PRKCE: variants seen among roughly 807,000 people sequenced by gnomAD.
PRKCE encodes the protein protein kinase C epsilon.
A neutral mutation model predicts 85.4 loss-of-function variants in PRKCE; 16 were observed. That is an observed-to-expected ratio of 0.19 (90% CI 0.13 to 0.28). PRKCE has a LOEUF of 0.28. PRKCE is among the 10% of genes least tolerant of loss of function. The pLI is 1.00. For missense variants in PRKCE, 573 were observed against 975.2 expected (o/e 0.59, Z 5.49); for synonymous variants, 388 against 371.5 (o/e 1.04, Z -0.51).
At chr2:46,166,324 A>G (rs1419306581) in intron 14 of PRKCE, among the ~76,000 whole-genome samples, 1 of 152,238 alleles carries the variant, frequency 6.6e-6, no homozygotes, top group Non-Finnish European at 1.5e-5. Flanking sequence ...CTGTTCTGGC[A>G]GAGCTGGGGC....
At chr2:46,017,528 C>G (rs1447121124) in intron 10 of PRKCE, among the ~76,000 whole-genome samples, 1 of 152,154 alleles carries the variant, frequency 6.6e-6, no homozygotes, top group African/African-American at 2.4e-5. Flanking sequence ...CTGAATATTT[C>G]TTTGAGGCCT....
rs181243043 is a variant in PRKCE, at chr2:45,861,948, C to G, written c.412+18885C>G. On this transcript the variant is annotated intron_variant, in intron 2 of 14. Coordinates refer to ENST00000306156, the MANE Select transcript of PRKCE (RefSeq NM_005400.3). ...GTTGGAATAGTAGCTATACTGTGAT[C>G]CCATTTGTGTGAAAATGAGGAAAGA... Among the ~76,000 whole-genome samples the G allele has an allele frequency of 7.9e-5, 12 of 152,168 alleles. No homozygotes were observed. In the East Asian group the frequency reaches 2.3e-3, roughly 29 times the overall value.
chr2:46,185,152 G>A lies in PRKCE; in HGVS notation c.*271G>A. The A allele has an allele frequency of 2.6e-6, 1 of 382,960 alleles. No individual in the cohort carries two copies. The highest frequency in any genetic ancestry group is 4.8e-5 in the East Asian group (1 of 21,016). 23.7% of individuals were successfully genotyped at this position (382,960 alleles called of 1,614,324 possible). On this transcript the variant is annotated 3_prime_UTR_variant, in exon 15 of 15. Transcript: ENST00000306156. This position sits in a 1 kb window ranked among gnomAD's most constrained non-coding sequence, Gnocchi z 4.7. ...ATACACTGCCGTGTTTGGACCATTG[G>A]CAAGCCTGGTTCCACTCCTCAGGGG...
At chr2:45,686,078 A>G (rs992282750) in intron 1 of PRKCE, among the ~76,000 whole-genome samples, 2 of 152,212 alleles carry the variant, frequency 1.3e-5, no homozygotes, top group African/African-American at 4.8e-5. Context: ...TGTCCTGTAT[A>G]AAACGCACAG....
chr2:45,758,670 A>G (rs1266280548), intron 1 of PRKCE, among the ~76,000 whole-genome samples: 2 of 152,048 alleles, frequency 1.3e-5, no homozygotes, highest in Admixed American at 6.6e-5. Context: ...TTATTTGCTT[A>G]TTTTTCCTTC....
Position 45,682,010 on chromosome 2 carries a change from T to C in PRKCE, c.348+29562T>C, listed in dbSNP as rs140854355. Reference sequence around the variant, plus strand: ...ATTCAAATTCTTCACCAGTGCTCTTTATGGGCAGTAAACTTGGTTTTTATT... The same window carrying C: ...ATTCAAATTCTTCACCAGTGCTCTTCATGGGCAGTAAACTTGGTTTTTATT... On this transcript the variant is annotated intron_variant, in intron 1 of 14. Coordinates refer to ENST00000306156, the MANE Select transcript of PRKCE (RefSeq NM_005400.3). Among the ~76,000 whole-genome samples, 757 of 152,340 alleles carry C rather than the reference T, an allele frequency of 5.0e-3. 4 individuals are homozygous for C. Among genetic ancestry groups the C allele is most frequent in the Admixed American group, 0.011 (173 of 15,308 alleles).
Position 46,013,159 on chromosome 2 carries a change from G to A in PRKCE, c.1437+2642G>A, listed in dbSNP as rs115008958. ...CTTAACTTACTTATGAAAGGAACCT[G>A]ATGAAGAATCAGCTTATAAACCTTC... On this transcript the variant is annotated intron_variant, in intron 10 of 14. Transcript: ENST00000306156. 3.5e-3 allele frequency among the ~76,000 whole-genome samples: 529 copies of A among 152,296 alleles called. 3 individuals are homozygous for A. The highest frequency in any genetic ancestry group is 0.012 in the African/African-American group (498 of 41,552).
chr2:46,135,746 C>CTT (rs11417233), intron 11 of PRKCE, among the ~76,000 whole-genome samples: 1,020 of 20,638 alleles, frequency 0.049, 283 homozygotes, highest in Middle Eastern at 0.21. Flanking sequence ...ACAAATTATG[C>CTT]TTTTTTTTTT....
chr2:45,730,307 C>T (rs1681456831), intron 1 of PRKCE, among the ~76,000 whole-genome samples: 1 of 152,110 alleles, frequency 6.6e-6, no homozygotes, highest in South Asian at 2.1e-4. Context: ...TGTGGGCCAC[C>T]ATACCCAGCT....
chr2:45,943,671 A>G (rs1416512259), intron 2 of PRKCE, among the ~76,000 whole-genome samples: 1 of 152,180 alleles, frequency 6.6e-6, no homozygotes, highest in African/African-American at 2.4e-5. Context: ...CACAGAATAT[A>G]AAGTTCTCAC....
At chr2:45,736,701 GC>G (rs1273652939) in intron 1 of PRKCE, among the ~76,000 whole-genome samples, 9 of 152,194 alleles carry the variant, frequency 5.9e-5, no homozygotes, top group Non-Finnish European at 1.0e-4. Flanking sequence ...AACAGGAAGG[GC>G]TGAACCTCTT....
intron 10 of PRKCE, among the ~76,000 whole-genome samples, chr2:46,070,425 C>T (rs187278855): frequency 3.0e-4 from 46 of 152,280 alleles, no homozygotes; most frequent in African/African-American, 7.7e-4. Flanking sequence ...GGGTGGATCA[C>T]GAGGTCAGGA....
chr2:46,121,783 G>A (rs903816558), intron 11 of PRKCE, among the ~76,000 whole-genome samples: 7 of 152,146 alleles, frequency 4.6e-5, no homozygotes, highest in Admixed American at 2.0e-4. Flanking sequence ...ACCTAAACAT[G>A]TACTAAACTG....
At chr2:45,722,454 T>A (rs901411596) in intron 1 of PRKCE, among the ~76,000 whole-genome samples, 3 of 152,208 alleles carry the variant, frequency 2.0e-5, no homozygotes, top group Non-Finnish European at 2.9e-5. Flanking sequence ...GCATACCAAC[T>A]GAAAAGGCCG....
At chr2:46,143,058 G>A (rs1378409005) in intron 11 of PRKCE, among the ~76,000 whole-genome samples, 2 of 152,162 alleles carry the variant, frequency 1.3e-5, no homozygotes, top group Non-Finnish European at 2.9e-5. Flanking sequence ...GGCTTGCAGA[G>A]CAGATCCACC....
At chr2:46,133,817 T>A (rs1279205152) in intron 11 of PRKCE, among the ~76,000 whole-genome samples, 1 of 152,194 alleles carries the variant, frequency 6.6e-6, no homozygotes, top group Non-Finnish European at 1.5e-5. Flanking sequence ...CTCAAGGCAA[T>A]AAGCAAAATA....
chr2:46,180,488 G>T (rs1040600817), intron 14 of PRKCE, among the ~76,000 whole-genome samples: 2 of 152,216 alleles, frequency 1.3e-5, no homozygotes, highest in East Asian at 1.9e-4. Flanking sequence ...GGATGTTCAG[G>T]CAGGCCCAGG....
chr2:45,784,633 T>TG (rs1426439073), intron 1 of PRKCE, among the ~76,000 whole-genome samples: 34 of 152,342 alleles, frequency 2.2e-4, no homozygotes, highest in African/African-American at 7.9e-4. Context: ...CCTAGCTTTT[T>TG]GTTTTTTTTT....
At chr2:45,920,380 G>T (rs1698162271) in intron 2 of PRKCE, among the ~76,000 whole-genome samples, 1 of 152,130 alleles carries the variant, frequency 6.6e-6, no homozygotes, top group African/African-American at 2.4e-5. Flanking sequence ...GATTAAACGT[G>T]GTTGCCATAT....
Sources: gnomAD v4.1 joint callset for allele counts (sites outside exome capture counted in the v4.1 genomes callset) on GRCh38, gnomAD v4.1.1 for gene constraint, Gnocchi (gnomAD v3.1) non-coding constraint, MANE v1.5 for transcripts, NCBI Gene and HGNC (gene_info 2026-07-23, HGNC 2026-07-21) for gene names.